Variants in CES5A observed in about 807,000 individuals in gnomAD.
CES5A encodes the protein carboxylesterase 5.
In CES5A, 67 loss-of-function variants were observed where a neutral mutation model predicts 62.9. That is an observed-to-expected ratio of 1.07 (90% CI 0.88 to 1.31). The LOEUF is 1.31. Ranked by LOEUF, CES5A falls within the 50% of genes most tolerant of loss-of-function variation. The pLI is 0.00. For synonymous variants in CES5A, 296 were observed against 280.8 expected, an observed-to-expected ratio of 1.05 and a Z score of -0.54; for missense variants, 748 against 708.5, an observed-to-expected ratio of 1.06 and a Z score of -0.63.
At chr16:55,903,916 C>G (rs563289956) in intron 1 of CES5A, among the ~76,000 whole-genome samples, 3 of 152,290 alleles carry the variant, frequency 2.0e-5, no homozygotes, top group African/African-American at 7.2e-5. Flanking sequence ...ATATTTACAA[C>G]CAGATGGGGA....
chr16:55,867,079 G>A (rs1446052644), intron 4 of CES5A, among the ~76,000 whole-genome samples: 7 of 152,120 alleles, frequency 4.6e-5, no homozygotes, highest in African/African-American at 1.4e-4. Context: ...TGTGTGCCAT[G>A]AGGGTGGGCT....
intron 2 of CES5A, among the ~76,000 whole-genome samples, chr16:55,931,282 G>A (rs2034309001): frequency 6.6e-6 from 1 of 152,200 alleles, no homozygotes; most frequent in African/African-American, 2.4e-5. Context: ...ACAGAATGGA[G>A]TTGGGAGCCA....
chr16:55,866,659 A>G (rs1397568092), intron 4 of CES5A, among the ~76,000 whole-genome samples: 5 of 72,490 alleles, frequency 6.9e-5, no homozygotes, highest in African/African-American at 5.1e-4. Context: ...TGTCTCTGCT[A>G]AAAAAAAAAA....
chr16:55,916,191 C>A (rs1185940600), intron 1 of CES5A, among the ~76,000 whole-genome samples: 2 of 152,164 alleles, frequency 1.3e-5, no homozygotes, highest in African/African-American at 4.8e-5. Flanking sequence ...CCTGAAAAGA[C>A]ATATCAAATG....
intron 2 of CES5A, among the ~76,000 whole-genome samples, chr16:55,937,328 C>G (rs1209007422): frequency 6.6e-6 from 1 of 152,200 alleles, no homozygotes; most frequent in Non-Finnish European, 1.5e-5. Context: ...ATGAACTCTC[C>G]TGGAGGGCAG....
At chr16:55,954,211 AAAGGCC>A (rs1196554085) in intron 1 of CES5A, among the ~76,000 whole-genome samples, 1 of 152,210 alleles carries the variant, frequency 6.6e-6, no homozygotes, top group Non-Finnish European at 1.5e-5. Context: ...CTCAGATAGC[AAAGGCC>A]AAAATCAAAC....
chr16:55,867,461 C>T (rs1334903090), intron 4 of CES5A, among the ~76,000 whole-genome samples: 11 of 152,188 alleles, frequency 7.2e-5, no homozygotes, highest in African/African-American at 2.4e-4. Context: ...CCCTGGGGCA[C>T]ATTCTACTCC....
At chr16:55,904,734 TAAATCGTAAGTGGAGG>T (rs1472084493) in intron 1 of CES5A, among the ~76,000 whole-genome samples, 1 of 152,140 alleles carries the variant, frequency 6.6e-6, no homozygotes, top group African/African-American at 2.4e-5. Context: ...AGTGACAAAG[TAAATCGTAAGTGGAGG>T]AAATAGACCC....
chr16:55,869,840 G>A, intron 3 of CES5A, 96 bp from the exon 4 acceptor site: 2 of 1,455,552 alleles, frequency 1.4e-6, no homozygotes, highest in Non-Finnish European at 1.8e-6. Context: ...AAATATAAAT[G>A]TCCCACTTGC....
chr16:55,861,100 G>T (rs1179211469), intron 7 of CES5A, among the ~76,000 whole-genome samples: 1 of 152,170 alleles, frequency 6.6e-6, no homozygotes. Flanking sequence ...TCCTGATTTT[G>T]ACTTCAGCTT....
chr16:55,951,761 C>A (rs1194452110), intron 1 of CES5A, among the ~76,000 whole-genome samples: 1 of 152,144 alleles, frequency 6.6e-6, no homozygotes, highest in Non-Finnish European at 1.5e-5. Context: ...CAGCCATGAA[C>A]TTTTATGCAC....
chr16:55,941,667 T>G (rs557697616), intron 2 of CES5A, among the ~76,000 whole-genome samples: 2 of 152,116 alleles, frequency 1.3e-5, no homozygotes, highest in African/African-American at 4.8e-5. Flanking sequence ...AAAACAATTT[T>G]GAAAAAGGAA....
chr16:55,912,527 G>A (rs996384480), intron 1 of CES5A, among the ~76,000 whole-genome samples: 1 of 151,830 alleles, frequency 6.6e-6, no homozygotes, highest in Non-Finnish European at 1.5e-5. Flanking sequence ...AGGAGGCAGA[G>A]GAGGAAGAGA....
intron 1 of CES5A, among the ~76,000 whole-genome samples, chr16:55,887,252 G>A (rs532792172): frequency 1.8e-4 from 28 of 151,988 alleles, no homozygotes; most frequent in Admixed American, 7.2e-4. Flanking sequence ...ATATCAGGTC[G>A]TTTTCTGGGG....
chr16:55,934,019 G>A (rs765994243), intron 2 of CES5A, among the ~76,000 whole-genome samples: 46 of 148,794 alleles, frequency 3.1e-4, no homozygotes, highest in Middle Eastern at 3.4e-3. Flanking sequence ...CCTTGCACTT[G>A]TTGTTCCTGC....
intron 2 of CES5A, among the ~76,000 whole-genome samples, chr16:55,947,493 A>T (rs2034508901): frequency 6.6e-6 from 1 of 152,146 alleles, no homozygotes; most frequent in African/African-American, 2.4e-5. Flanking sequence ...AATAAAGTGA[A>T]CAAAACACTT....
At chr16:55,876,716 A>G (rs2033698878), upstream of CES5A, among the ~76,000 whole-genome samples, 1 of 152,236 alleles carries the variant, frequency 6.6e-6, no homozygotes, top group African/African-American at 2.4e-5. Context: ...TGGGGCAGCC[A>G]CAGCAGAGCA....
In CES5A at chr16:55,871,692, A is replaced by T; in HGVS notation, c.350T>A (p.Val117Glu). The T allele has an allele frequency of 6.2e-7, 1 of 1,614,080 alleles. No individual in the cohort carries two copies. The highest frequency in any genetic ancestry group is 1.3e-5 in the African/African-American group (1 of 75,022). Residue 117 changes from valine (V) to glutamate (E), a missense_variant, in exon 3 of 13, where the codon GTG (valine) becomes GAG (glutamate). By Grantham distance (121) the Val-to-Glu change is moderately radical (BLOSUM62 -2). Coordinates refer to ENST00000290567, the MANE Select transcript of CES5A (RefSeq NM_001143685.2). ...GTTCAGGTAGAGGCAGTCTTCTGAC[A>T]CTCCGAATTTCGGGTAATGCACCTT... Reference protein sequence around the residue: ...MLKVHYPKFGVSEDCLYLNIY... With the variant: ...MLKVHYPKFGESEDCLYLNIY...
rs879265242 is a variant in CES5A at position 55,944,227 on chromosome 16, C to A, written c.160+5558G>T. On this transcript the variant is annotated intron_variant, in intron 2 of 13. Transcript: ENST00000521992. ...GCTGACAGTACGACTCTGAACAAGA[C>A]CCCTCTCCTCCAGGGACTTTTTGCC... The A allele has an allele frequency of 3.8e-5, 24 of 636,988 alleles. No individual in the cohort carries two copies. The Admixed American group carries it at 4.6e-4, about 12-fold the overall frequency. 39.5% of individuals were successfully genotyped at this position (636,988 alleles called of 1,614,324 possible). A position where few individuals can be genotyped will look rare whatever the true frequency, so the allele number is the denominator to read the frequency against.
Sources: gnomAD v4.1 joint callset for allele counts (sites outside exome capture counted in the v4.1 genomes callset) on GRCh38, gnomAD v4.1.1 for gene constraint, MANE v1.5 for transcripts, NCBI Gene and HGNC (gene_info 2026-07-23, HGNC 2026-07-21) for gene names.